Variants in BTBD9 observed in about 807,000 individuals in gnomAD.
The protein encoded by BTBD9 is BTB domain containing 9.
BTBD9 carries 49 observed loss-of-function variants against 64.3 expected under a neutral mutation model. The ratio of observed to expected loss-of-function variants is 0.76; its 90% CI spans 0.61 to 0.97. The LOEUF is 0.97. Ranked by LOEUF, BTBD9 falls within the 50% of genes least tolerant of loss-of-function variation. The pLI, the probability that BTBD9 is intolerant of heterozygous loss-of-function variation, is 0.00. For synonymous variants in BTBD9, 260 were observed against 274.7 expected (o/e 0.95, Z 0.53); for missense variants, 598 against 762.1 (o/e 0.78, Z 2.53).
At chr6:38,395,224 A>C (rs1487929079) in intron 6 of BTBD9, among the ~76,000 whole-genome samples, 2 of 152,098 alleles carry the variant, frequency 1.3e-5, no homozygotes, top group East Asian at 3.9e-4. Flanking sequence ...TGAGCCCCAA[A>C]GTTAGAGACC....
At chr6:38,301,429 G>A (rs946515210) in intron 7 of BTBD9, among the ~76,000 whole-genome samples, 2 of 152,198 alleles carry the variant, frequency 1.3e-5, no homozygotes, top group Non-Finnish European at 1.5e-5. Flanking sequence ...AGTTTCAGAA[G>A]GAATGGTACC....
intron 1 of BTBD9, among the ~76,000 whole-genome samples, chr6:38,621,677 A>C (rs1024789628): frequency 1.2e-4 from 19 of 152,234 alleles, no homozygotes; most frequent in African/African-American, 4.6e-4. Flanking sequence ...AAAGAAAGGG[A>C]GTTCCTAACA....
intron 1 of BTBD9, among the ~76,000 whole-genome samples, chr6:38,632,141 T>C (rs1778385596): frequency 6.6e-6 from 1 of 152,200 alleles, no homozygotes; most frequent in Non-Finnish European, 1.5e-5. Context: ...AAAAAAAAGT[T>C]TGTTGTCTTA....
At chr6:38,411,384 T>C (rs926986538) in intron 6 of BTBD9, among the ~76,000 whole-genome samples, 5 of 152,098 alleles carry the variant, frequency 3.3e-5, no homozygotes, top group Non-Finnish European at 7.4e-5. Context: ...ACCCAAGATA[T>C]AGAGCCAAAC....
chr6:38,226,975 G>A (rs986455602), intron 9 of BTBD9, among the ~76,000 whole-genome samples: 1 of 152,224 alleles, frequency 6.6e-6, no homozygotes, highest in African/African-American at 2.4e-5. Context: ...GGTTTACTCT[G>A]GAAGCAATTG....
At chr6:38,357,023 T>C (rs1008728405) in intron 6 of BTBD9, among the ~76,000 whole-genome samples, 4 of 152,222 alleles carry the variant, frequency 2.6e-5, no homozygotes, top group African/African-American at 9.6e-5. Context: ...TCCTATGGTA[T>C]GACCTTTCTC....
intron 10 of BTBD9, among the ~76,000 whole-genome samples, chr6:38,191,466 G>C (rs1471660989): frequency 6.6e-6 from 1 of 152,192 alleles, no homozygotes; most frequent in Non-Finnish European, 1.5e-5. Context: ...CTCTCAAGCT[G>C]TCACGCTGGT....
chr6:38,336,653 G>C (rs1182635008), intron 7 of BTBD9, among the ~76,000 whole-genome samples: 1 of 152,098 alleles, frequency 6.6e-6, no homozygotes, highest in Non-Finnish European at 1.5e-5. Flanking sequence ...GATGAGATTT[G>C]GATGGGGATA....
intron 6 of BTBD9, among the ~76,000 whole-genome samples, chr6:38,479,975 T>A (rs548641626): frequency 2.8e-4 from 43 of 152,304 alleles, no homozygotes; most frequent in African/African-American, 1.0e-3. Context: ...GCGATCCTCC[T>A]GCCTCGGCCT....
chr6:38,190,050 G>C (rs539904681), intron 10 of BTBD9, among the ~76,000 whole-genome samples: 1 of 150,716 alleles, frequency 6.6e-6, no homozygotes, highest in Admixed American at 6.6e-5. Flanking sequence ...GGGCTCAAGC[G>C]AACCTGTGGC....
intron 7 of BTBD9, among the ~76,000 whole-genome samples, chr6:38,300,901 A>G (rs1762369105): frequency 6.6e-6 from 1 of 152,336 alleles, no homozygotes; most frequent in South Asian, 2.1e-4. Flanking sequence ...ACTATGTTGA[A>G]TAGGAGTGGT....
intron 6 of BTBD9, among the ~76,000 whole-genome samples, chr6:38,439,301 T>C (rs1420516695): frequency 2.0e-5 from 3 of 151,400 alleles, no homozygotes; most frequent in African/African-American, 7.3e-5. Flanking sequence ...TTTTTTTTTG[T>C]ATTTTCAGTA....
chr6:38,367,280 C>T (rs1222194334), intron 6 of BTBD9, among the ~76,000 whole-genome samples: 2 of 152,102 alleles, frequency 1.3e-5, no homozygotes, highest in Non-Finnish European at 2.9e-5. Flanking sequence ...TCATAAGCAA[C>T]ACATAAAAGA....
intron 10 of BTBD9, among the ~76,000 whole-genome samples, chr6:38,186,839 T>C (rs886623587): frequency 6.6e-6 from 1 of 152,220 alleles, no homozygotes; most frequent in Non-Finnish European, 1.5e-5. Context: ...TTGCAGAGAA[T>C]TTCCTTTTCC....
intron 6 of BTBD9, among the ~76,000 whole-genome samples, chr6:38,392,579 T>C (rs1200238569): frequency 6.6e-6 from 1 of 152,202 alleles, no homozygotes; most frequent in African/African-American, 2.4e-5. Context: ...ATGACAGTCT[T>C]ATGAAGGAGC....
At chr6:38,410,398 A>T (rs886791214) in intron 6 of BTBD9, among the ~76,000 whole-genome samples, 5 of 151,920 alleles carry the variant, frequency 3.3e-5, no homozygotes, top group African/African-American at 1.2e-4. Context: ...ACTTGAGCCC[A>T]GGAGGCTGGG....
rs1285106715 is a variant in BTBD9 at position 38,388,219 on chromosome 6, C to CCA, written c.1155-43127_1155-43126insTG. Among the ~76,000 whole-genome samples the CCA allele has an allele frequency of 4.9e-5, 5 of 102,552 alleles. 1 individual carries two copies. In the East Asian group the frequency reaches 9.5e-4, roughly 19 times the overall value. 67.3% of individuals were successfully genotyped at this position (102,552 alleles called of 152,430 possible). On this transcript the variant is annotated intron_variant, in intron 6 of 10. Coordinates refer to ENST00000481247, the MANE Select transcript of BTBD9 (RefSeq NM_001099272.2). ...ATGCTTCTGGTGTAACTGCCCCTGA[C>CCA]AAAAAAAAAAAAAAAAAGTCTACTT...
intron 6 of BTBD9, among the ~76,000 whole-genome samples, chr6:38,546,502 T>C (rs1774560347): frequency 6.6e-6 from 1 of 152,196 alleles, no homozygotes. Flanking sequence ...AGATACTGTG[T>C]TTTTCAAAAA....
At chr6:38,543,944 G>A (rs1461365326) in intron 6 of BTBD9, among the ~76,000 whole-genome samples, 3 of 148,848 alleles carry the variant, frequency 2.0e-5, no homozygotes, top group Non-Finnish European at 3.0e-5. Flanking sequence ...GAGACACAGC[G>A]AGACTCCGTC....
Sources: allele counts gnomAD v4.1 joint callset (sites outside exome capture counted in the v4.1 genomes callset), GRCh38; gene constraint gnomAD v4.1.1; transcripts MANE v1.5; gene names NCBI Gene and HGNC (gene_info 2026-07-23, HGNC 2026-07-21).